MERTK: variants seen among roughly 807,000 people sequenced by gnomAD.
MERTK encodes MER proto-oncogene, tyrosine kinase.
Under a neutral mutation model 99.3 loss-of-function variants are expected in MERTK, and 69 were observed. The ratio of observed to expected loss-of-function variants is 0.70; its 90% CI spans 0.57 to 0.85. The LOEUF (loss-of-function observed/expected upper bound fraction) is 0.85, where lower values mean the gene tolerates loss of function less well. Ranked by LOEUF, MERTK falls within the 40% of genes least tolerant of loss-of-function variation. The pLI is 0.00. For synonymous variants in MERTK, 426 were observed against 467.6 expected (o/e 0.91, Z 1.15); for missense variants, 1,125 against 1,249.4 (o/e 0.90, Z 1.50).
chr2:112,027,800 G>C (rs572978992), intron 18 of MERTK, among the ~76,000 whole-genome samples: 23 of 152,286 alleles, frequency 1.5e-4, no homozygotes, highest in African/African-American at 5.5e-4. Flanking sequence ...CTTAGCCCTA[G>C]CCCCAGGGCC....
intron 15 of MERTK, among the ~76,000 whole-genome samples, chr2:112,012,116 C>G (rs1677117607): frequency 6.6e-6 from 1 of 152,168 alleles, no homozygotes; most frequent in Non-Finnish European, 1.5e-5. Context: ...TTTCAGTAAC[C>G]TGGAGAATGT....
At chr2:111,904,254 T>G (rs1302695647) in intron 1 of MERTK, among the ~76,000 whole-genome samples, 2 of 152,226 alleles carry the variant, frequency 1.3e-5, no homozygotes, top group African/African-American at 2.4e-5. Flanking sequence ...AAAAATGAAG[T>G]CCAGTTCCTG....
At chr2:112,014,779 G>C (rs1321260705) in intron 15 of MERTK, among the ~76,000 whole-genome samples, 2 of 151,882 alleles carry the variant, frequency 1.3e-5, no homozygotes, top group African/African-American at 4.8e-5. Context: ...GGGACTACAG[G>C]CGCCTGCCAC....
chr2:112,004,202 C>G (rs1345091427), intron 13 of MERTK, among the ~76,000 whole-genome samples: 1 of 152,200 alleles, frequency 6.6e-6, no homozygotes, highest in Non-Finnish European at 1.5e-5. Context: ...TTACTAACTC[C>G]TGCATGCCTA....
At chr2:111,925,515 C>T (rs1252328146) in intron 1 of MERTK, among the ~76,000 whole-genome samples, 1 of 151,264 alleles carries the variant, frequency 6.6e-6, no homozygotes, top group Non-Finnish European at 1.5e-5. Flanking sequence ...GTTGGCCAGG[C>T]TTGTCTCGAA....
intron 9 of MERTK, chr2:111,996,629 GGTCCTTAGTGAAGGTGAAC>G (rs1229323705): frequency 1.3e-4 from 20 of 157,586 alleles, no homozygotes; most frequent in African/African-American, 4.6e-4. Context: ...GTGAACCAGC[GGTCCTTAGTGAAGGTGAAC>G]TTATGCACAT....
In MERTK at chr2:112,008,472, C is replaced by G. The variant is rs1677030761; in HGVS notation, c.1957C>G (p.Leu653Val). 6.2e-7 allele frequency: 1 copy of G among 1,613,236 alleles called. No homozygotes were observed. Among genetic ancestry groups the G allele is most frequent in the Non-Finnish European group, 8.5e-7 (1 of 1,179,270 alleles). The stretch of plus-strand genomic sequence containing the variant: ...CAGCCACCCAAATGTCATTCGACTT[C>G]TAGGTACTTCCGAGAAATGCAGGAG... ...DFSHPNVIRLLGVCIEMSSQG... is the reference protein window; with the variant it reads ...DFSHPNVIRLVGVCIEMSSQG... The change falls in exon 14 of 19, where the codon CTA (leucine) becomes GTA (valine). Residue 653 changes from leucine (L) to valine (V), a missense_variant. Physicochemically the swap from Leu to Val is conservative, Grantham distance 32. Transcript: ENST00000295408.
intron 2 of MERTK, among the ~76,000 whole-genome samples, chr2:111,932,745 T>C (rs1684696859): frequency 6.6e-6 from 1 of 152,136 alleles, no homozygotes; most frequent in Non-Finnish European, 1.5e-5. Flanking sequence ...TTTTATAGAC[T>C]AAGAGTATAT....
intron 15 of MERTK, among the ~76,000 whole-genome samples, chr2:112,010,902 C>G (rs1337361597): frequency 6.6e-6 from 1 of 152,174 alleles, no homozygotes; most frequent in Non-Finnish European, 1.5e-5. Flanking sequence ...CTGCGGGGTT[C>G]TGGTTGGGAC....
rs1322163714 is a variant in MERTK, at chr2:112,019,490, T to C, written c.2157T>C (p.Phe719=). Residue 719 remains phenylalanine, a synonymous_variant, in exon 16 of 19, where the codon TTT becomes TTC. Transcript: ENST00000295408. ...LGMEYLSNRN[F]LHRDLAARNC... ...TGGAGTATCTGAGCAACAGGAATTTTCTTCATCGAGATTTAGCTGCTCGAA... is the reference window on the plus strand; with the variant it reads ...TGGAGTATCTGAGCAACAGGAATTTCCTTCATCGAGATTTAGCTGCTCGAA... The C allele has an allele frequency of 6.2e-7, 1 of 1,613,916 alleles. No individual in the cohort carries two copies. Among genetic ancestry groups the C allele is most frequent in the Non-Finnish European group, 8.5e-7 (1 of 1,179,784 alleles).
At chr2:111,921,642 G>C (rs931566597) in intron 1 of MERTK, among the ~76,000 whole-genome samples, 1 of 152,152 alleles carries the variant, frequency 6.6e-6, no homozygotes, top group Non-Finnish European at 1.5e-5. Context: ...GCATCCTCTT[G>C]GCCATGCATT....
At chr2:111,962,988 T>C (rs917079302) in intron 4 of MERTK, among the ~76,000 whole-genome samples, 33 of 152,000 alleles carry the variant, frequency 2.2e-4, no homozygotes, top group East Asian at 5.8e-4. Flanking sequence ...TGGAGGATCC[T>C]GCCGGCCTCT....
rs557135059 is a variant in MERTK, at chr2:111,944,893, T to G, written c.483-67T>G. 5.2e-5 allele frequency: 69 copies of G among 1,331,070 alleles called. No homozygotes were observed. The African/African-American group carries it at 9.5e-4, about 18-fold the overall frequency. 82.5% of individuals were successfully genotyped at this position (1,331,070 alleles called of 1,614,324 possible). On this transcript the variant is annotated intron_variant, in intron 2 of 18. Transcript: ENST00000295408. ...GCATATGACAAAGAAGTTGAAGAAGTTTCCATCCTATAATAGGAACTCAAA... is the reference window on the plus strand; with the variant it reads ...GCATATGACAAAGAAGTTGAAGAAGGTTCCATCCTATAATAGGAACTCAAA...
chr2:111,898,944 G>A, intron 1 of MERTK, 148 bp downstream of exon 1: 3 of 878,880 alleles, frequency 3.4e-6, no homozygotes, highest in Non-Finnish European at 5.0e-6. Flanking sequence ...TGCCAGAGGA[G>A]GGGGCGTAGG....
intron 10 of MERTK, 93 bp downstream of exon 10, chr2:111,997,569 A>G (rs1253937628): frequency 2.7e-6 from 4 of 1,458,522 alleles, no homozygotes; most frequent in Middle Eastern, 2.0e-4. Context: ...AGCTGCTTAC[A>G]TTGCTCCCAG....
chr2:111,967,892 A>G (rs1685389170), intron 5 of MERTK, among the ~76,000 whole-genome samples: 3 of 152,146 alleles, frequency 2.0e-5, no homozygotes, highest in African/African-American at 7.2e-5. Flanking sequence ...TCCTCATTTC[A>G]TTAGTGAATA....
At chr2:111,998,437 C>T (rs1456158687) in intron 10 of MERTK, among the ~76,000 whole-genome samples, 3 of 152,138 alleles carry the variant, frequency 2.0e-5, no homozygotes, top group Admixed American at 6.5e-5. Flanking sequence ...CTGGGCACTG[C>T]GGTAGCCTGG....
chr2:112,003,895 A>G lies in MERTK; in HGVS notation c.1787-9A>G. Reference sequence around the variant, plus strand: ...ACAGTGTCCATACAGGTGTTCTTTCACTTCACAGGAGAGTTTGGGTCTGTA... The same window carrying G: ...ACAGTGTCCATACAGGTGTTCTTTCGCTTCACAGGAGAGTTTGGGTCTGTA... On this transcript the variant is annotated splice_polypyrimidine_tract_variant and intron_variant, in intron 12 of 18. Transcript: ENST00000295408. 1 of 1,609,372 alleles carries G rather than the reference A, an allele frequency of 6.2e-7. No homozygotes were observed. The highest frequency in any genetic ancestry group is 8.5e-7 in the Non-Finnish European group (1 of 1,175,758).
chr2:112,006,929 T>C (rs545008833), intron 13 of MERTK, among the ~76,000 whole-genome samples: 172 of 152,324 alleles, frequency 1.1e-3, no homozygotes, highest in Non-Finnish European at 2.3e-3. Context: ...TAGGATGGTA[T>C]AGACACTGCA....
Sources: allele counts gnomAD v4.1 joint callset (sites outside exome capture counted in the v4.1 genomes callset), GRCh38; gene constraint gnomAD v4.1.1; transcripts MANE v1.5; gene names NCBI Gene and HGNC (gene_info 2026-07-23, HGNC 2026-07-21).